Variants in MAEA observed in about 807,000 individuals in gnomAD.
MAEA encodes E3 ubiquitin-protein transferase MAEA.
Under a neutral mutation model 46.2 loss-of-function variants are expected in MAEA, and 22 were observed. The ratio of observed to expected loss-of-function variants is 0.48; its 90% CI spans 0.34 to 0.68. The LOEUF is 0.68. Among genes scored for constraint, MAEA ranks in the 30% least tolerant of loss-of-function variants. The probability of loss-of-function intolerance (pLI) is 0.01; values close to 1 mark genes in which losing one functional copy is unlikely to be tolerated. For missense variants in MAEA, 393 were observed against 558.1 expected (o/e 0.70, Z 2.98); for synonymous variants, 246 against 222.6 (o/e 1.11, Z -0.94).
intron 1 of MAEA, among the ~76,000 whole-genome samples, chr4:1,294,827 A>G (rs887278733): frequency 1.9e-3 from 8 of 4,316 alleles, no homozygotes; most frequent in East Asian, 7.4e-3. Context: ...GGGCAGGGGC[A>G]GGGGCGGGGG....
chr4:1,336,786 A>G, intron 6 of MAEA, 75 bp from the exon 7 acceptor site: 1 of 1,469,890 alleles, frequency 6.8e-7, no homozygotes. Flanking sequence ...CTGCTTCACC[A>G]TGGTCCACGT....
intron 1 of MAEA, among the ~76,000 whole-genome samples, chr4:1,296,835 G>A (rs567138115): frequency 1.3e-5 from 2 of 152,158 alleles, no homozygotes; most frequent in East Asian, 1.9e-4. Context: ...CTCGGCTCCC[G>A]TGACACCATC....
At position 1,315,625 on chromosome 4, in the gene MAEA, C is replaced by A. The variant is rs1439821431; in HGVS notation, c.456+25C>A. ...GGTGGGTGCCCGCCAGACGCAGGCA[C>A]AGCGCCCCAGCTGGCCCCAGGCCTA... On this transcript the variant is annotated intron_variant, in intron 3 of 8. Transcript: ENST00000303400. The A allele has an allele frequency of 1.9e-6, 3 of 1,610,308 alleles. No individual in the cohort carries two copies. The East Asian group carries it at 6.7e-5, about 36-fold the overall frequency.
At chr4:1,316,858 G>A (rs1737243773) in intron 3 of MAEA, among the ~76,000 whole-genome samples, 1 of 151,684 alleles carries the variant, frequency 6.6e-6, no homozygotes, top group African/African-American at 2.4e-5. Flanking sequence ...CTGGCTTGCA[G>A]CCTCCCCCAC....
chr4:1,311,862 C>T lies in MAEA; in HGVS notation c.70-117C>T, dbSNP rs1019130764. 2.3e-6 allele frequency: 2 copies of T among 882,250 alleles called. No homozygotes were observed. Among genetic ancestry groups the T allele is most frequent in the Middle Eastern group, 2.4e-4 (1 of 4,096 alleles). The allele number at this position is 882,250 out of a possible 1,614,324, so 54.7% of individuals were successfully genotyped here. On this transcript the variant is annotated intron_variant, in intron 1 of 8. Transcript: ENST00000303400. The surrounding 1 kb of genome is among the most constrained non-coding windows in gnomAD (Gnocchi z 4.4). ...GAGTAGATACTTTTGAGACCATGAA[C>T]CTTCTGAGACTTCTGCCTCTACAAG...
intron 1 of MAEA, among the ~76,000 whole-genome samples, chr4:1,301,614 A>G (rs1420658943): frequency 1.3e-5 from 2 of 152,244 alleles, no homozygotes; most frequent in African/African-American, 4.8e-5. Flanking sequence ...AGGCAGGAGT[A>G]TCACTTGAGC....
At chr4:1,322,638 A>G in intron 4 of MAEA, 135 bp downstream of exon 4, 1 of 1,186,514 alleles carries the variant, frequency 8.4e-7, no homozygotes, top group Non-Finnish European at 1.2e-6. Flanking sequence ...TGGGTTTGGG[A>G]GTTTTTTTGG....
chr4:1,300,560 C>T (rs552352410), intron 1 of MAEA, among the ~76,000 whole-genome samples: 5 of 152,390 alleles, frequency 3.3e-5, no homozygotes, highest in African/African-American at 9.6e-5. Context: ...CACTGGACCG[C>T]GTGGGGCACG....
chr4:1,315,743 TCCCCCCA>T, intron 3 of MAEA, 143 bp downstream of exon 3: 1 of 447,216 alleles, frequency 2.2e-6, no homozygotes, highest in Non-Finnish European at 3.9e-6. Context: ...TGTGTTCCCC[TCCCCCCA>T]CCCCCGTGTG....
chr4:1,300,673 C>T (rs755365686), intron 1 of MAEA, among the ~76,000 whole-genome samples: 1 of 152,240 alleles, frequency 6.6e-6, no homozygotes, highest in Non-Finnish European at 1.5e-5. Flanking sequence ...GGACCAGTGG[C>T]TTTAAAAGGT....
intron 3 of MAEA, among the ~76,000 whole-genome samples, chr4:1,320,683 A>G (rs1378692620): frequency 6.6e-6 from 1 of 152,098 alleles, no homozygotes; most frequent in Admixed American, 6.5e-5. Flanking sequence ...AAGGGGTTTC[A>G]GAAAAGAAAT....
chr4:1,291,033 A>G (rs2178441), intron 1 of MAEA, among the ~76,000 whole-genome samples: 23,423 of 152,130 alleles, frequency 0.15, 3,476 homozygotes, highest in East Asian at 0.42. Context: ...ATTGTTTCAA[A>G]CAGTGCCTAG....
chr4:1,302,990 C>G (rs1180371249), intron 1 of MAEA, among the ~76,000 whole-genome samples: 1 of 151,978 alleles, frequency 6.6e-6, no homozygotes, highest in African/African-American at 2.4e-5. Flanking sequence ...ACGCAGCCAC[C>G]TCGGAAAACA....
At chr4:1,310,211 T>C (rs564037953) in intron 1 of MAEA, among the ~76,000 whole-genome samples, 11 of 152,166 alleles carry the variant, frequency 7.2e-5, no homozygotes, top group African/African-American at 1.9e-4. Context: ...TGCAGGCCGG[T>C]GTCGGGCTGT....
chr4:1,309,894 G>GT, intron 1 of MAEA: 4 of 1,296,306 alleles, frequency 3.1e-6, no homozygotes, highest in Non-Finnish European at 3.9e-6. Context: ...CCCGGCAGGG[G>GT]TTGGAAAGTC....
At chr4:1,337,428 C>A (rs549121010) in intron 7 of MAEA, 336 of 230,516 alleles carry the variant, frequency 1.5e-3, no homozygotes, top group African/African-American at 7.8e-3. Flanking sequence ...CTGTGACTGA[C>A]TCCATCCTGC....
At chr4:1,338,902 G>A (rs986718801) in intron 8 of MAEA, 172 bp from the exon 9 acceptor site, 3 of 675,004 alleles carry the variant, frequency 4.4e-6, no homozygotes, top group Non-Finnish European at 7.8e-6. Context: ...TGAAGGGGTG[G>A]GAAGGACAGG....
intron 1 of MAEA, among the ~76,000 whole-genome samples, chr4:1,290,436 C>G (rs1047647896): frequency 6.6e-6 from 1 of 152,162 alleles, no homozygotes. Flanking sequence ...AACCTCACGG[C>G]CTGATGGCAC....
At chr4:1,326,857 C>T (rs1320530269) in intron 4 of MAEA, among the ~76,000 whole-genome samples, 4 of 152,244 alleles carry the variant, frequency 2.6e-5, no homozygotes, top group East Asian at 3.8e-4. Flanking sequence ...GGTGTCTGTG[C>T]GGTCCCCCGT....
Sources: allele counts gnomAD v4.1 joint callset (sites outside exome capture counted in the v4.1 genomes callset), GRCh38; gene constraint gnomAD v4.1.1; non-coding constraint Gnocchi (gnomAD v3.1); transcripts MANE v1.5; gene names NCBI Gene and HGNC (gene_info 2026-07-23, HGNC 2026-07-21).